The following PRRC2B variants were observed in gnomAD, a reference collection of about 807,000 sequenced individuals.
PRRC2B encodes the protein protein PRRC2B.
A neutral mutation model predicts 242.3 loss-of-function variants in PRRC2B; 68 were observed. That is an observed-to-expected ratio of 0.28 (90% CI 0.23 to 0.34). PRRC2B has a LOEUF of 0.34. Ranked by LOEUF, PRRC2B falls within the 10% of genes least tolerant of loss-of-function variation. The probability of loss-of-function intolerance (pLI) is 1.00; values close to 1 mark genes in which losing one functional copy is unlikely to be tolerated. For missense variants in PRRC2B, 2,835 were observed against 2,954.8 expected, an observed-to-expected ratio of 0.96 and a Z score of 0.94; for synonymous variants, 1,228 against 1,173.6, an observed-to-expected ratio of 1.05 and a Z score of -0.95.
chr9:131,482,813 T>A lies in PRRC2B; in HGVS notation c.5279T>A (p.Leu1760Gln). 6.2e-7 allele frequency: 1 copy of A among 1,609,640 alleles called. No individual in the cohort carries two copies. Among genetic ancestry groups the A allele is most frequent in the Admixed American group, 1.7e-5 (1 of 59,418 alleles). The change falls in exon 22 of 32, where the codon CTG (leucine) becomes CAG (glutamine). Residue 1760 changes from leucine to glutamine, a missense_variant. Leu to Gln is a moderately radical substitution (Grantham distance 113). Around this residue, in one of 7 missense-constraint regions of PRRC2B, gnomAD observed 574 missense variants for 626.0 expected, o/e 0.92. Coordinates refer to ENST00000683519, the MANE Select transcript of PRRC2B (RefSeq NM_013318.4). The surrounding 1 kb of genome is among the most constrained non-coding windows in gnomAD (Gnocchi z 5.2). ...NRKGSEGAERLQGAVVPPVNG... is the reference protein window; with the variant it reads ...NRKGSEGAERQQGAVVPPVNG... Reference sequence around the variant, plus strand: ...AAGGGCTCGGAGGGGGCCGAGCGGCTGCAAGGGGCTGTCGTCCCGCCTGTT... The same window carrying A: ...AAGGGCTCGGAGGGGGCCGAGCGGCAGCAAGGGGCTGTCGTCCCGCCTGTT...
At chr9:131,458,229 T>C (rs552006961) in intron 10 of PRRC2B, among the ~76,000 whole-genome samples, 1 of 152,272 alleles carries the variant, frequency 6.6e-6, no homozygotes, top group Non-Finnish European at 1.5e-5. Flanking sequence ...AACTGGCTTG[T>C]GCAGAGCATA....
intron 1 of PRRC2B, among the ~76,000 whole-genome samples, chr9:131,403,760 G>C (rs1457604240): frequency 2.0e-5 from 3 of 151,676 alleles, no homozygotes; most frequent in African/African-American, 4.9e-5. Flanking sequence ...TGATAAATTT[G>C]CTTTGTTTAT....
intron 9 of PRRC2B, 199 bp downstream of exon 9, chr9:131,448,003 C>T: frequency 2.2e-6 from 1 of 451,488 alleles, no homozygotes; most frequent in Admixed American, 3.8e-5. Context: ...AAGCCATTAG[C>T]TTCTTTTGGT....
At chr9:131,444,111 A>G (rs1838705501) in intron 5 of PRRC2B, 74 bp from the exon 6 acceptor site, 3 of 1,548,732 alleles carry the variant, frequency 1.9e-6, no homozygotes, top group East Asian at 2.3e-5. Flanking sequence ...ACGGCTTTCA[A>G]GGTGTGGAGC....
intron 1 of PRRC2B, among the ~76,000 whole-genome samples, chr9:131,399,790 TCTA>T (rs1564273551): frequency 2.6e-5 from 4 of 152,218 alleles, no homozygotes; most frequent in Non-Finnish European, 4.4e-5. Context: ...AGTGTATTCC[TCTA>T]CGTTATTTTT....
chr9:131,385,170 G>A (rs1488483549), intron 1 of PRRC2B, among the ~76,000 whole-genome samples: 4 of 149,344 alleles, frequency 2.7e-5, no homozygotes, highest in Non-Finnish European at 5.9e-5. Flanking sequence ...ACACCAGTAA[G>A]TTTCCTAATA....
chr9:131,392,869 C>T (rs912345817), upstream of PRRC2B, among the ~76,000 whole-genome samples: 1 of 145,442 alleles, frequency 6.9e-6, no homozygotes, highest in East Asian at 2.0e-4. Flanking sequence ...GCAGAGATTG[C>T]GGATTGTGCC....
In PRRC2B at chr9:131,474,825, TCTC is replaced by T. The variant is rs550302578; in HGVS notation, c.2702_2704del (p.Ser901del). ...CCCCGGGAGGGGACGGCCTTTAACA[TCTC>T]CTCCTGGGACAAGAACGGGAGCCCC... On this transcript the variant is annotated inframe_deletion, in exon 16 of 32. Coordinates refer to ENST00000683519, the MANE Select transcript of PRRC2B (RefSeq NM_013318.4). The T allele has an allele frequency of 4.4e-5, 71 of 1,611,772 alleles. No individual in the cohort carries two copies. In the African/African-American group the frequency reaches 7.1e-4, roughly 16 times the overall value.
In PRRC2B at chr9:131,415,923, T is replaced by A. The variant is rs1235209407; in HGVS notation, c.-51-14171T>A. 4.6e-5 allele frequency among the ~76,000 whole-genome samples: 7 copies of A among 152,196 alleles called. No homozygotes were observed. The East Asian group carries it at 1.2e-3, about 25-fold the overall frequency. On this transcript the variant is annotated intron_variant, in intron 1 of 31. Coordinates refer to ENST00000683519, the MANE Select transcript of PRRC2B (RefSeq NM_013318.4). ...CAACTCTGGGAACTATTTTTGGCAT[T>A]TTTTACTTGATAATTTCTTCCTCTC...
intron 31 of PRRC2B, among the ~76,000 whole-genome samples, chr9:131,495,505 TC>T (rs1227422214): frequency 1.3e-5 from 2 of 152,100 alleles, no homozygotes; most frequent in African/African-American, 4.8e-5. Context: ...CCCGGTGTCT[TC>T]CTGCCTCTCC....
intron 26 of PRRC2B, chr9:131,486,676 G>C: frequency 3.0e-6 from 1 of 330,660 alleles, no homozygotes; most frequent in Non-Finnish European, 4.3e-6. Flanking sequence ...CCGCCCCTCA[G>C]ACCCATGTGC....
rs200684547 is a variant in PRRC2B, at chr9:131,475,697, G to C, written c.3568G>C (p.Gly1190Arg). The change falls in exon 16 of 32, where the codon GGT (glycine) becomes CGT (arginine). Residue 1190 changes from glycine to arginine, a missense_variant. Physicochemically the swap from Gly to Arg is moderately radical, Grantham distance 125. Coordinates refer to ENST00000683519, the MANE Select transcript of PRRC2B (RefSeq NM_013318.4). The part of the protein sequence containing the change: ...SNKGCSEDHS[G>R]LDAKSRGPRA... ...CAAGGGGTGCTCTGAGGACCACAGC[G>C]GTCTAGATGCCAAGAGCCGAGGCCC... 21 of 1,612,826 alleles carry C rather than the reference G, an allele frequency of 1.3e-5. No homozygotes were observed. The highest frequency in any genetic ancestry group is 6.7e-5 in the Admixed American group (4 of 59,936).
chr9:131,374,569 A>G (rs1375593502), intron 1 of PRRC2B, among the ~76,000 whole-genome samples: 1 of 151,670 alleles, frequency 6.6e-6, no homozygotes, highest in Non-Finnish European at 1.5e-5. Context: ...TCCATCCCTC[A>G]GGCTGGAGTG....
intron 1 of PRRC2B, among the ~76,000 whole-genome samples, chr9:131,417,858 G>C (rs1419742722): frequency 1.3e-5 from 2 of 152,170 alleles, no homozygotes; most frequent in African/African-American, 4.8e-5. Flanking sequence ...TTTTGTCCGA[G>C]CACCACTCGA....
chr9:131,487,206 T>C lies in PRRC2B; in HGVS notation c.5896T>C (p.Ser1966Pro). The stretch of plus-strand genomic sequence containing the variant: ...GCAGATCCCGATCTCCCTTCACACA[T>C]CTCTGCAGGCACAAGCTCAGCTTGG... ...AQQIPISLHT[S>P]LQAQAQLGLR... Residue 1966 changes from serine to proline, a missense_variant, in exon 27 of 32, where the codon TCT (serine) becomes CCT (proline). Ser to Pro is a moderately conservative substitution (Grantham distance 74, BLOSUM62 -1). Transcript: ENST00000683519. The surrounding 1 kb of genome is among the most constrained non-coding windows in gnomAD (Gnocchi z 5.3). 1 of 1,613,756 alleles carries C rather than the reference T, an allele frequency of 6.2e-7. No individual in the cohort carries two copies. The highest frequency in any genetic ancestry group is 8.5e-7 in the Non-Finnish European group (1 of 1,179,760).
chr9:131,429,108 G>A (rs1838053765), intron 1 of PRRC2B, among the ~76,000 whole-genome samples: 1 of 152,150 alleles, frequency 6.6e-6, no homozygotes, highest in Non-Finnish European at 1.5e-5. Context: ...CACCATGCCT[G>A]GCTAATTTTT....
chr9:131,394,746 G>A (rs936796420), intron 1 of PRRC2B, among the ~76,000 whole-genome samples: 1 of 151,718 alleles, frequency 6.6e-6, no homozygotes, highest in African/African-American at 2.4e-5. Flanking sequence ...CCTTGGGTCC[G>A]GGGCGCTGAG....
intron 14 of PRRC2B, among the ~76,000 whole-genome samples, chr9:131,472,000 C>G (rs1943560213): frequency 6.6e-6 from 1 of 152,192 alleles, no homozygotes; most frequent in Admixed American, 6.5e-5. Flanking sequence ...TTTGCTTTGT[C>G]TATCTGGAGG....
chr9:131,391,088 G>A (rs1376192382), upstream of PRRC2B, among the ~76,000 whole-genome samples: 1 of 152,090 alleles, frequency 6.6e-6, no homozygotes, highest in Non-Finnish European at 1.5e-5. Context: ...TCTGGCCCTA[G>A]CTTGCCTTTT....
Sources: gnomAD v4.1 joint callset for allele counts (sites outside exome capture counted in the v4.1 genomes callset) on GRCh38, gnomAD v4.1.1 for gene constraint, gnomAD v4.1.1 regional missense constraint, Gnocchi (gnomAD v3.1) non-coding constraint, MANE v1.5 for transcripts, NCBI Gene and HGNC (gene_info 2026-07-23, HGNC 2026-07-21) for gene names.